The following PTPRZ1 variants were observed in gnomAD, a reference collection of about 807,000 sequenced individuals.
PTPRZ1 encodes protein tyrosine phosphatase receptor type Z1, also known as receptor-type tyrosine-protein phosphatase zeta.
PTPRZ1 carries 82 observed loss-of-function variants against 214.1 expected under a neutral mutation model. The observed-to-expected ratio is 0.38, with a 90% CI of 0.32 to 0.46. PTPRZ1 has a LOEUF of 0.46. PTPRZ1 is among the 20% of genes least tolerant of loss of function. The pLI is 1.00. For missense variants in PTPRZ1, 2,603 were observed against 2,748.7 expected, an observed-to-expected ratio of 0.95 and a Z score of 1.19; for synonymous variants, 945 against 987.9, an observed-to-expected ratio of 0.96 and a Z score of 0.81.
intron 1 of PTPRZ1, chr7:121,908,753 A>T (rs768868289): frequency 6.1e-6 from 3 of 493,858 alleles, no homozygotes; most frequent in South Asian, 4.6e-5. Context: ...CTAGAATAAC[A>T]TTACTAATGA....
chr7:122,005,907 G>T (rs996074427), intron 11 of PTPRZ1, among the ~76,000 whole-genome samples: 1 of 151,842 alleles, frequency 6.6e-6, no homozygotes, highest in Non-Finnish European at 1.5e-5. Flanking sequence ...CATGATTCAC[G>T]ATCCATGCTT....
intron 2 of PTPRZ1, among the ~76,000 whole-genome samples, chr7:121,946,127 C>T (rs1040204674): frequency 8.5e-5 from 13 of 152,170 alleles, no homozygotes; most frequent in African/African-American, 2.7e-4. Flanking sequence ...AATAGTTGTT[C>T]AGTGCTCTTG....
intron 1 of PTPRZ1, among the ~76,000 whole-genome samples, chr7:121,898,128 G>A (rs1004841741): frequency 6.6e-6 from 1 of 151,670 alleles, no homozygotes. Context: ...CAGTCCTCTC[G>A]GTGCAAAAAC....
At chr7:121,972,747 T>C (rs1336795487) in intron 4 of PTPRZ1, 55 bp downstream of exon 4, 1 of 1,293,344 alleles carries the variant, frequency 7.7e-7, no homozygotes, top group Non-Finnish European at 1.0e-6. Context: ...TTGATGTTTT[T>C]ATTTAGCATA....
chr7:122,033,613 A>C (rs1368861269), intron 15 of PTPRZ1, among the ~76,000 whole-genome samples: 1 of 152,036 alleles, frequency 6.6e-6, no homozygotes. Flanking sequence ...GGAAATGATT[A>C]ATGTTTTGAT....
chr7:122,020,861 CA>C (rs1319940839), intron 13 of PTPRZ1, among the ~76,000 whole-genome samples: 1 of 151,854 alleles, frequency 6.6e-6, no homozygotes, highest in Non-Finnish European at 1.5e-5. Context: ...TCATGCTTAG[CA>C]GAGTGCTTTG....
chr7:122,061,756 T>C lies in PTPRZ1; in HGVS notation c.*536T>C, dbSNP rs957836591. ...TGGACCAAATTTATATTTATAATTGTAGATTTTTATATTTTACTACTGAGT... is the reference window on the plus strand; with the variant it reads ...TGGACCAAATTTATATTTATAATTGCAGATTTTTATATTTTACTACTGAGT... On this transcript the variant is annotated 3_prime_UTR_variant, in exon 30 of 30. Transcript: ENST00000393386. 1.2e-4 allele frequency: 18 copies of C among 152,606 alleles called. No homozygotes were observed. Among genetic ancestry groups the C allele is most frequent in the Admixed American group, 5.9e-4 (9 of 15,272 alleles). The allele number at this position is 152,606 out of a possible 1,614,324, so 9.5% of individuals were successfully genotyped here.
chr7:121,946,541 A>G (rs1796380438), intron 2 of PTPRZ1, among the ~76,000 whole-genome samples: 2 of 152,188 alleles, frequency 1.3e-5, no homozygotes, highest in Admixed American at 6.5e-5. Context: ...AGTGGTAGTA[A>G]TATTTTGTAT....
chr7:121,873,363 C>A lies in PTPRZ1; in HGVS notation c.-137C>A, dbSNP rs1218606656. The A allele has an allele frequency of 1.1e-5, 8 of 732,942 alleles. No individual in the cohort carries two copies. Among genetic ancestry groups the A allele is most frequent in the Non-Finnish European group, 1.6e-5 (7 of 435,996 alleles). 45.4% of individuals were successfully genotyped at this position (732,942 alleles called of 1,614,324 possible). A position where few individuals can be genotyped will look rare whatever the true frequency, so the allele number is the denominator to read the frequency against. On this transcript the variant is annotated 5_prime_UTR_variant, in exon 1 of 30. Coordinates refer to ENST00000393386, the MANE Select transcript of PTPRZ1 (RefSeq NM_002851.3). Reference sequence around the variant, plus strand: ...ACACACACACACAAACACACATACGCACGCACGATCTCACTTCGATCTATA... The same window carrying A: ...ACACACACACACAAACACACATACGAACGCACGATCTCACTTCGATCTATA...
intron 14 of PTPRZ1, among the ~76,000 whole-genome samples, chr7:122,029,287 C>A (rs1799302096): frequency 6.6e-6 from 1 of 151,832 alleles, no homozygotes; most frequent in Non-Finnish European, 1.5e-5. Flanking sequence ...CAAAGGTAGC[C>A]AGGGTCATTT....
chr7:122,020,357 G>A (rs1055475542), intron 13 of PTPRZ1, among the ~76,000 whole-genome samples: 5 of 152,138 alleles, frequency 3.3e-5, no homozygotes, highest in African/African-American at 7.2e-5. Context: ...AAGTGTATGC[G>A]TAGCAGTTGA....
intron 10 of PTPRZ1, among the ~76,000 whole-genome samples, chr7:122,002,125 T>A (rs1359456194): frequency 1.3e-5 from 2 of 152,202 alleles, no homozygotes; most frequent in East Asian, 1.9e-4. Context: ...TCAAAATCTT[T>A]AGGAAGATAG....
intron 1 of PTPRZ1, among the ~76,000 whole-genome samples, chr7:121,927,707 C>A (rs912348865): frequency 1.3e-5 from 2 of 152,150 alleles, no homozygotes; most frequent in South Asian, 2.1e-4. Flanking sequence ...ATTTTGAAAG[C>A]GTGATAAACT....
intron 1 of PTPRZ1, among the ~76,000 whole-genome samples, chr7:121,888,898 C>A (rs561004623): frequency 1.1e-4 from 16 of 152,108 alleles, no homozygotes; most frequent in African/African-American, 3.1e-4. Flanking sequence ...TAGCTAAAAG[C>A]AGCAATATTT....
intron 18 of PTPRZ1, among the ~76,000 whole-genome samples, chr7:122,038,509 CTTTTTTTTTT>C (rs140553499): frequency 9.4e-6 from 1 of 106,304 alleles, no homozygotes; most frequent in Non-Finnish European, 1.9e-5. Flanking sequence ...GAGAGCTATT[CTTTTTTTTTT>C]TTTTTTTTTT....
At chr7:122,007,795 T>G (rs1798537159) in intron 11 of PTPRZ1, among the ~76,000 whole-genome samples, 1 of 152,122 alleles carries the variant, frequency 6.6e-6, no homozygotes, top group Non-Finnish European at 1.5e-5. Context: ...AAAACTACAG[T>G]GGAAGAGTCA....
rs142905490 is a variant in PTPRZ1, at chr7:121,977,491, A to G, written c.619+640A>G. Among the ~76,000 whole-genome samples the G allele has an allele frequency of 3.9e-5, 6 of 152,318 alleles. No homozygotes were observed. In the East Asian group the frequency reaches 1.2e-3, roughly 29 times the overall value. On this transcript the variant is annotated intron_variant, in intron 6 of 29. Transcript: ENST00000393386. Reference sequence around the variant, plus strand: ...TTATTTTTATTAAGCACTCACACACAGGATCTTAATGCTGCCCTGAGTTAC... The same window carrying G: ...TTATTTTTATTAAGCACTCACACACGGGATCTTAATGCTGCCCTGAGTTAC...
chr7:121,941,658 T>C lies in PTPRZ1; in HGVS notation c.124+13437T>C, dbSNP rs182508844. Among the ~76,000 whole-genome samples the C allele has an allele frequency of 1.7e-3, 265 of 152,336 alleles. 8 individuals carry two copies. The East Asian group carries it at 0.037, about 21-fold the overall frequency. ...TAAATTAATTTTTATTCCAGGATTA[T>C]TAAGAGATTGTTTTTGCATCATGGA... On this transcript the variant is annotated intron_variant, in intron 2 of 29. Transcript: ENST00000393386.
chr7:122,038,386 C>T (rs1302634188), intron 18 of PTPRZ1, among the ~76,000 whole-genome samples: 1 of 151,928 alleles, frequency 6.6e-6, no homozygotes, highest in Non-Finnish European at 1.5e-5. Flanking sequence ...GCCTAAAATA[C>T]ATTTCAAAGC....
Sources: allele counts gnomAD v4.1 joint callset (sites outside exome capture counted in the v4.1 genomes callset), GRCh38; gene constraint gnomAD v4.1.1; transcripts MANE v1.5; gene names NCBI Gene and HGNC (gene_info 2026-07-23, HGNC 2026-07-21).